Variants in TSFM observed in about 807,000 individuals in gnomAD.
The protein encoded by TSFM is elongation factor Ts, mitochondrial.
Under a neutral mutation model 33.4 loss-of-function variants are expected in TSFM, and 29 were observed. That is an observed-to-expected ratio of 0.87 (90% CI 0.65 to 1.18). The LOEUF is 1.18. TSFM is among the 50% of genes most tolerant of loss of function. The pLI, the probability that TSFM is intolerant of heterozygous loss-of-function variation, is 0.00. For missense variants in TSFM, 394 were observed against 395.6 expected, an observed-to-expected ratio of 1.00 and a Z score of 0.04; for synonymous variants, 178 against 163.5, an observed-to-expected ratio of 1.09 and a Z score of -0.68.
downstream of TSFM, chr12:57,800,063 C>T (rs1955816628): frequency 8.9e-7 from 1 of 1,122,954 alleles, no homozygotes; most frequent in South Asian, 1.6e-5. Context: ...GCTCCCCAAA[C>T]CTGGCTGCAT....
chr12:57,800,556 C>G (rs2140436510), downstream of TSFM: 1 of 153,018 alleles, frequency 6.5e-6, no homozygotes, highest in South Asian at 2.1e-4. Context: ...CTGCCAATGA[C>G]TTTAATCTCT....
chr12:57,782,955 C>G lies in TSFM; in HGVS notation c.57+97C>G, dbSNP rs536772464. The G allele has an allele frequency of 6.8e-5, 101 of 1,481,872 alleles. No homozygotes were observed. The South Asian group carries it at 1.1e-3, about 16-fold the overall frequency. 91.8% of individuals were successfully genotyped at this position (1,481,872 alleles called of 1,614,324 possible). A position where few individuals can be genotyped will look rare whatever the true frequency, so the allele number is the denominator to read the frequency against. ...CTCCCAACCTCGTTTGACTCCATCT[C>G]ACCTTCCCCGACAGCATTGCCTCTG... On this transcript the variant is annotated intron_variant, in intron 1 of 5. Coordinates refer to ENST00000652027, the MANE Select transcript of TSFM (RefSeq NM_005726.6).
Position 57,796,526 on chromosome 12 carries a change from AG to A in TSFM, c.922del (p.Val308Ter). 6.7e-7 allele frequency: 1 copy of A among 1,497,884 alleles called. No individual in the cohort carries two copies. The highest frequency in any genetic ancestry group is 8.9e-7 in the Non-Finnish European group (1 of 1,121,822). The allele number at this position is 1,497,884 out of a possible 1,614,324, so 92.8% of individuals were successfully genotyped here. On this transcript the variant is annotated frameshift_variant, in exon 6 of 6. Transcript: ENST00000652027. LOFTEE classifies it high-confidence loss of function. ...QYVQPQGVSV[V>X]DFVRFECGEG... ...ATGTGCAGCCTCAGGGGGTGTCGGTAGTAGACTTTGTGCGGTTTGAATGTGG... is the reference window on the plus strand; with the variant it reads ...ATGTGCAGCCTCAGGGGGTGTCGGTATAGACTTTGTGCGGTTTGAATGTGG...
downstream of TSFM, chr12:57,797,930 C>T (rs760129273): frequency 9.8e-5 from 158 of 1,612,316 alleles, 2 homozygotes; most frequent in Admixed American, 2.6e-3. Context: ...TCCAGCCAGG[C>T]AGAGCTGCAA....
At chr12:57,783,079 C>T (rs542271139) in intron 1 of TSFM, 31 bp from the exon 2 acceptor site, 16 of 1,589,460 alleles carry the variant, frequency 1.0e-5, no homozygotes, top group African/African-American at 9.4e-5. Flanking sequence ...TTGCTGCTTC[C>T]TGCTCCTCAT....
chr12:57,801,419 C>G (rs537620216), downstream of TSFM: 13 of 432,822 alleles, frequency 3.0e-5, no homozygotes, highest in South Asian at 3.0e-4. Flanking sequence ...ATGGTAACCC[C>G]TCAGTCCTCC....
At chr12:57,788,738 G>A (rs1167214447) in intron 4 of TSFM, among the ~76,000 whole-genome samples, 2 of 152,100 alleles carry the variant, frequency 1.3e-5, no homozygotes, top group Non-Finnish European at 2.9e-5. Context: ...GGGCTCAAGT[G>A]ATCTTCCCAC....
At chr12:57,789,644 G>A (rs775187116) in intron 4 of TSFM, among the ~76,000 whole-genome samples, 1 of 152,352 alleles carries the variant, frequency 6.6e-6, no homozygotes, top group Admixed American at 6.5e-5. Flanking sequence ...GGGATTACAG[G>A]CGTGAGCCAC....
At chr12:57,796,005 C>T (rs971691710) in intron 5 of TSFM, among the ~76,000 whole-genome samples, 172 bp from the exon 6 acceptor site, 5 of 152,176 alleles carry the variant, frequency 3.3e-5, no homozygotes, top group African/African-American at 1.2e-4. Context: ...TGCCCCATAC[C>T]CCTTTTCCTC....
chr12:57,790,819 AG>A (rs1276026608), intron 4 of TSFM, among the ~76,000 whole-genome samples: 1 of 151,050 alleles, frequency 6.6e-6, no homozygotes, highest in African/African-American at 2.4e-5. Flanking sequence ...GGCTGGGCAC[AG>A]TGGCTCATGC....
At chr12:57,795,051 A>G (rs1313160161) in intron 5 of TSFM, among the ~76,000 whole-genome samples, 2 of 142,182 alleles carry the variant, frequency 1.4e-5, no homozygotes, top group African/African-American at 2.6e-5. Context: ...GAGCCACCGC[A>G]CCCAGCCCTA....
chr12:57,790,861 T>G (rs1198815899), intron 4 of TSFM, among the ~76,000 whole-genome samples: 1 of 151,928 alleles, frequency 6.6e-6, no homozygotes, highest in Non-Finnish European at 1.5e-5. Flanking sequence ...GGTTTTTTGT[T>G]TGTTTTTTAA....
downstream of TSFM, among the ~76,000 whole-genome samples, chr12:57,799,629 GAATC>G (rs1298509851): frequency 6.6e-6 from 1 of 152,182 alleles, no homozygotes; most frequent in Non-Finnish European, 1.5e-5. Flanking sequence ...GGAGAGAAAA[GAATC>G]AAGAAAGAAC....
At chr12:57,783,850 A>G in intron 2 of TSFM, 3 of 661,298 alleles carry the variant, frequency 4.5e-6, no homozygotes, top group South Asian at 3.4e-5. Context: ...TCCTGGCCTC[A>G]GGTGATCCGC....
chr12:57,791,842 T>A (rs1955666147), intron 4 of TSFM: 1 of 200,996 alleles, frequency 5.0e-6, no homozygotes, highest in Non-Finnish European at 1.1e-5. Context: ...TAAATGCATA[T>A]GTAGTTTTAT....
At position 57,783,104 on chromosome 12, in the gene TSFM, A is replaced by C. The variant is rs758273854; in HGVS notation, c.58-6A>C. 6.2e-7 allele frequency: 1 copy of C among 1,606,668 alleles called. No individual in the cohort carries two copies. The highest frequency in any genetic ancestry group is 8.5e-7 in the Non-Finnish European group (1 of 1,178,618). On this transcript the variant is annotated splice_region_variant and splice_polypyrimidine_tract_variant and intron_variant, in intron 1 of 5. Transcript: ENST00000652027. Reference sequence around the variant, plus strand: ...CTGCTCCTCATCCCTTTCTTATCTCATCTAGGCTGGGTCTCTTCTGCGTCA... The same window carrying C: ...CTGCTCCTCATCCCTTTCTTATCTCCTCTAGGCTGGGTCTCTTCTGCGTCA...
downstream of TSFM, chr12:57,799,764 TC>T (rs1238003397): frequency 5.6e-6 from 9 of 1,612,800 alleles, no homozygotes; most frequent in Non-Finnish European, 6.8e-6. Context: ...GAGCTCCACT[TC>T]CAACAGACAC....
rs1328794451 is a variant in TSFM at position 57,783,259 on chromosome 12, G to A, written c.207G>A (p.Glu69=). ...TTGTAAATTGCAAGAAAGCTCTGGA[G>A]ACTTGTGGCGGGGACCTCAAACAGG... is the stretch of plus-strand genomic sequence containing the variant. The part of the protein sequence containing the change: ...YSFVNCKKAL[E]TCGGDLKQAE... The change falls in exon 2 of 6, where the codon GAG becomes GAA. Residue 69 remains glutamate, a synonymous_variant. Coordinates refer to ENST00000652027, the MANE Select transcript of TSFM (RefSeq NM_005726.6). 1.6e-5 allele frequency: 26 copies of A among 1,613,916 alleles called. No individual in the cohort carries two copies. The highest frequency in any genetic ancestry group is 2.1e-5 in the Non-Finnish European group (25 of 1,179,902).
chr12:57,797,773 T>G, downstream of TSFM: 1 of 907,476 alleles, frequency 1.1e-6, no homozygotes, highest in Non-Finnish European at 1.6e-6. Context: ...CTATTATATC[T>G]AAATTAAGTA....
Sources: gnomAD v4.1 joint callset for allele counts (sites outside exome capture counted in the v4.1 genomes callset) on GRCh38, gnomAD v4.1.1 for gene constraint, MANE v1.5 for transcripts, NCBI Gene and HGNC (gene_info 2026-07-23, HGNC 2026-07-21) for gene names.